Variants in MRPS11 observed in about 807,000 individuals in gnomAD.
The protein encoded by MRPS11 is mitochondrial ribosomal protein S11, also known as small ribosomal subunit protein uS11m.
MRPS11 carries 27 observed loss-of-function variants against 24.3 expected under a neutral mutation model. The observed-to-expected ratio is 1.11, with a 90% CI of 0.82 to 1.53. The LOEUF (loss-of-function observed/expected upper bound fraction) is 1.53, where lower values mean the gene tolerates loss of function less well. Ranked by LOEUF, MRPS11 falls within the 40% of genes most tolerant of loss-of-function variation. The pLI, the probability that MRPS11 is intolerant of heterozygous loss-of-function variation, is 0.00. For synonymous variants in MRPS11, 104 were observed against 98.7 expected (o/e 1.05, Z -0.32); for missense variants, 277 against 256.5 (o/e 1.08, Z -0.55).
rs1257883978 is a variant in MRPS11 at position 88,469,936 on chromosome 15, G to A, written c.182+1912G>A. ...ACGGAGTTGTCATTGATTAAGATGG[G>A]GAAGACTGCAGGAGTTTGGATGGGA... On this transcript the variant is annotated intron_variant, in intron 2 of 5. Transcript: ENST00000325844. This position sits in a 1 kb window ranked among gnomAD's most constrained non-coding sequence, Gnocchi z 4.4. 6.6e-6 allele frequency among the ~76,000 whole-genome samples: 1 copy of A among 152,152 alleles called. No individual in the cohort carries two copies. Among genetic ancestry groups the A allele is most frequent in the Non-Finnish European group, 1.5e-5 (1 of 68,024 alleles).
chr15:88,473,882 AT>A (rs908471145), intron 3 of MRPS11, among the ~76,000 whole-genome samples: 38 of 152,238 alleles, frequency 2.5e-4, no homozygotes, highest in African/African-American at 8.0e-4. Context: ...TAAGTAACTT[AT>A]TAGAGATGAT....
intron 3 of MRPS11, among the ~76,000 whole-genome samples, chr15:88,473,862 A>G (rs186340564): frequency 6.6e-6 from 1 of 152,362 alleles, no homozygotes; most frequent in Non-Finnish European, 1.5e-5. Flanking sequence ...GGCATTCTTA[A>G]TTGTATTAAT....
At chr15:88,468,439 AG>A in intron 2 of MRPS11, 1 of 1,030,142 alleles carries the variant, frequency 9.7e-7, no homozygotes, top group Non-Finnish European at 1.2e-6. Context: ...TTTTGTGCTC[AG>A]CCCTAGGAAC....
At position 88,479,383 on chromosome 15, in the gene MRPS11, A is replaced by G. The variant is rs964651692; in HGVS notation, c.*1404A>G. On this transcript the variant is annotated 3_prime_UTR_variant, in exon 6 of 6. Transcript: ENST00000325844. ...GGAAGGGCTGCTGACCAGAAGGGGA[A>G]GGCACTGTGGAGTTTTACTTCTGTG... 2 of 152,314 alleles carry G rather than the reference A, an allele frequency of 1.3e-5. No homozygotes were observed. The highest frequency in any genetic ancestry group is 2.9e-5 in the Non-Finnish European group (2 of 68,096). 9.4% of individuals were successfully genotyped at this position (152,314 alleles called of 1,614,324 possible). A position where few individuals can be genotyped will look rare whatever the true frequency, so the allele number is the denominator to read the frequency against.
At position 88,477,142 on chromosome 15, in the gene MRPS11, A is replaced by G; in HGVS notation, c.477+88A>G. On this transcript the variant is annotated intron_variant, in intron 5 of 5. Transcript: ENST00000325844. This position sits in a 1 kb window ranked among gnomAD's most constrained non-coding sequence, Gnocchi z 5.7. The stretch of plus-strand genomic sequence containing the variant: ...AGAGCAGAGTACAGGGAGAGTAGAA[A>G]ACACCTTTTAGTGGATTTCCATGTT... The G allele has an allele frequency of 8.3e-7, 1 of 1,206,312 alleles. No homozygotes were observed. Among genetic ancestry groups the G allele is most frequent in the Non-Finnish European group, 1.2e-6 (1 of 830,090 alleles). The allele number at this position is 1,206,312 out of a possible 1,614,324, so 74.7% of individuals were successfully genotyped here. A position where few individuals can be genotyped will look rare whatever the true frequency, so the allele number is the denominator to read the frequency against.
In MRPS11 at chr15:88,478,234, C is replaced by G. The variant is rs2055863990; in HGVS notation, c.*255C>G. 2.0e-6 allele frequency: 1 copy of G among 510,246 alleles called. No individual in the cohort carries two copies. Among genetic ancestry groups the G allele is most frequent in the Non-Finnish European group, 3.5e-6 (1 of 286,132 alleles). 31.6% of individuals were successfully genotyped at this position (510,246 alleles called of 1,614,324 possible). A position where few individuals can be genotyped will look rare whatever the true frequency, so the allele number is the denominator to read the frequency against. On this transcript the variant is annotated 3_prime_UTR_variant, in exon 6 of 6. Transcript: ENST00000325844. The surrounding 1 kb of genome is among the most constrained non-coding windows in gnomAD (Gnocchi z 4.7). ...CCGTGGCCTAGGCCCAAACTCTGCTCTGAGAAAATAAATATCTGTACCACC... is the reference window on the plus strand; with the variant it reads ...CCGTGGCCTAGGCCCAAACTCTGCTGTGAGAAAATAAATATCTGTACCACC...
chr15:88,468,856 A>G (rs375342538), intron 2 of MRPS11: 2 of 152,156 alleles, frequency 1.3e-5, no homozygotes, highest in East Asian at 3.9e-4. Context: ...CTAAAAGCAC[A>G]AAAACTAGCC....
intron 2 of MRPS11, among the ~76,000 whole-genome samples, chr15:88,471,311 T>C (rs1247230475): frequency 6.6e-6 from 1 of 152,214 alleles, no homozygotes; most frequent in Non-Finnish European, 1.5e-5. Flanking sequence ...TGAATACCAA[T>C]GTGTTTTTGA....
chr15:88,471,421 A>C (rs1324558532), intron 2 of MRPS11, among the ~76,000 whole-genome samples: 1 of 152,238 alleles, frequency 6.6e-6, no homozygotes, highest in African/African-American at 2.4e-5. Context: ...TTGTATTTCA[A>C]GTGGCTGTGG....
At position 88,471,449 on chromosome 15, in the gene MRPS11, C is replaced by T. The variant is rs149076530; in HGVS notation, c.183-1178C>T. On this transcript the variant is annotated intron_variant, in intron 2 of 5. Transcript: ENST00000325844. Reference sequence around the variant, plus strand: ...GGCTGTGGTGGGTACAAACATGAATCTGATATATGTGTGTAGGCCTAGAGG... The same window carrying T: ...GGCTGTGGTGGGTACAAACATGAATTTGATATATGTGTGTAGGCCTAGAGG... Among the ~76,000 whole-genome samples the T allele has an allele frequency of 4.0e-3, 610 of 152,174 alleles. 8 individuals are homozygous for T. Among genetic ancestry groups the T allele is most frequent in the African/African-American group, 0.014 (577 of 41,512 alleles).
Position 88,477,799 on chromosome 15 carries a change from GA to G in MRPS11, c.478-71del. The G allele has an allele frequency of 2.1e-6, 3 of 1,398,910 alleles. No individual in the cohort carries two copies. Among genetic ancestry groups the G allele is most frequent in the Non-Finnish European group, 3.0e-6 (3 of 995,508 alleles). 86.7% of individuals were successfully genotyped at this position (1,398,910 alleles called of 1,614,324 possible). On this transcript the variant is annotated intron_variant, in intron 5 of 5. Coordinates refer to ENST00000325844, the MANE Select transcript of MRPS11 (RefSeq NM_022839.5). This position sits in a 1 kb window ranked among gnomAD's most constrained non-coding sequence, Gnocchi z 5.7. ...TCTCTACGCCACCCTGTCCCTCTCC[GA>G]ACCCTGCCTGGAGACACTGGATCAT... is the stretch of plus-strand genomic sequence containing the variant.
chr15:88,469,516 C>G lies in MRPS11; in HGVS notation c.182+1492C>G, dbSNP rs62024335. 0.093 allele frequency among the ~76,000 whole-genome samples: 14,173 copies of G among 152,210 alleles called. 835 individuals are homozygous for G. Among genetic ancestry groups the G allele is most frequent in the South Asian group, 0.18 (855 of 4,818 alleles). ...TTGGAAAGGGGAAGTGGGGGTCAAG[C>G]AGGCCTGCATAGCCACATTCTGTAG... is the stretch of plus-strand genomic sequence containing the variant. On this transcript the variant is annotated intron_variant, in intron 2 of 5. Transcript: ENST00000325844. The surrounding 1 kb of genome is among the most constrained non-coding windows in gnomAD (Gnocchi z 4.4).
At chr15:88,476,674 G>A (rs2055829103) in intron 4 of MRPS11, 1 of 290,026 alleles carries the variant, frequency 3.4e-6, no homozygotes, top group African/African-American at 2.2e-5. Context: ...GAAGCCTAGG[G>A]TGGCGCCTCA....
At chr15:88,476,855 C>A in intron 4 of MRPS11, 134 bp from the exon 5 acceptor site, 1 of 798,894 alleles carries the variant, frequency 1.3e-6, no homozygotes, top group Non-Finnish European at 2.1e-6. Flanking sequence ...AGCCATCTGC[C>A]CTTTGCCTCC....
chr15:88,470,949 A>G (rs1316631739), intron 2 of MRPS11, among the ~76,000 whole-genome samples: 1 of 152,220 alleles, frequency 6.6e-6, no homozygotes, highest in Non-Finnish European at 1.5e-5. Context: ...GCAGTGCAGT[A>G]TAGAGGGGAA....
rs557694757 is a variant in MRPS11, at chr15:88,480,413, C to G, written c.*2434C>G. ...TGTATTTTTTGTATTGAGACCAGGT[C>G]TTGAACTCCTGGTCTCAAGCAGTCC... On this transcript the variant is annotated 3_prime_UTR_variant, in exon 6 of 6. Coordinates refer to ENST00000325844, the MANE Select transcript of MRPS11 (RefSeq NM_022839.5). The surrounding 1 kb of genome is among the most constrained non-coding windows in gnomAD (Gnocchi z 5.1). The G allele has an allele frequency of 6.5e-4, 99 of 152,276 alleles. No homozygotes were observed. The highest frequency in any genetic ancestry group is 2.3e-3 in the African/African-American group (97 of 41,554). The allele number at this position is 152,276 out of a possible 1,614,324, so 9.4% of individuals were successfully genotyped here.
Position 88,477,980 on chromosome 15 carries a change from T to C in MRPS11, c.*1T>C, listed in dbSNP as rs759372924. ...CCCCAGGAAGGCTCGGAAGCTGTGA[T>C]GGGAAGGAGGCCTGCACTTGGACCT... On this transcript the variant is annotated 3_prime_UTR_variant, in exon 6 of 6. Coordinates refer to ENST00000325844, the MANE Select transcript of MRPS11 (RefSeq NM_022839.5). The surrounding 1 kb of genome is among the most constrained non-coding windows in gnomAD (Gnocchi z 5.7). The C allele has an allele frequency of 2.5e-6, 4 of 1,613,638 alleles. No homozygotes were observed. Among genetic ancestry groups the C allele is most frequent in the Non-Finnish European group, 3.4e-6 (4 of 1,179,558 alleles).
rs951260263 is a variant in MRPS11 at position 88,475,755 on chromosome 15, G to T, written c.411+516G>T. 6.6e-6 allele frequency among the ~76,000 whole-genome samples: 1 copy of T among 152,046 alleles called. No individual in the cohort carries two copies. The highest frequency in any genetic ancestry group is 1.5e-5 in the Non-Finnish European group (1 of 68,008). ...GAGGCCAAGGCAGGCGTAAGAGATC[G>T]AGACCATCCTGGCCAACATGGTGAA... On this transcript the variant is annotated intron_variant, in intron 4 of 5. Transcript: ENST00000325844. The surrounding 1 kb of genome is among the most constrained non-coding windows in gnomAD (Gnocchi z 4.1).
chr15:88,468,099 C>G, intron 2 of MRPS11, 75 bp downstream of exon 2: 3 of 1,521,224 alleles, frequency 2.0e-6, no homozygotes, highest in Non-Finnish European at 2.7e-6. Flanking sequence ...AGAGTCAGAA[C>G]CAGTGAATTT....
Sources: allele counts gnomAD v4.1 joint callset (sites outside exome capture counted in the v4.1 genomes callset), GRCh38; gene constraint gnomAD v4.1.1; non-coding constraint Gnocchi (gnomAD v3.1); transcripts MANE v1.5; gene names NCBI Gene and HGNC (gene_info 2026-07-23, HGNC 2026-07-21).